NRIP1: variants seen among roughly 807,000 people sequenced by gnomAD.
NRIP1 encodes nuclear receptor-interacting protein 1.
A neutral mutation model predicts 75.0 loss-of-function variants in NRIP1; 28 were observed. The observed-to-expected ratio is 0.37, with a 90% CI of 0.28 to 0.51. The LOEUF (loss-of-function observed/expected upper bound fraction) is 0.51. NRIP1 is among the 20% of genes least tolerant of loss of function. NRIP1 has a pLI of 0.92. For missense variants in NRIP1, 1,435 were observed against 1,343.7 expected, an observed-to-expected ratio of 1.07 and a Z score of -1.06; for synonymous variants, 526 against 487.6, an observed-to-expected ratio of 1.08 and a Z score of -1.04.
intron 3 of NRIP1, among the ~76,000 whole-genome samples, chr21:15,013,219 A>G (rs966906100): frequency 2.0e-5 from 3 of 152,218 alleles, no homozygotes; most frequent in African/African-American, 7.2e-5. Context: ...ATTATTAGTA[A>G]TTTTATGCAG....
chr21:15,032,766 C>G (rs1195469474), intron 2 of NRIP1, among the ~76,000 whole-genome samples: 4 of 152,116 alleles, frequency 2.6e-5, no homozygotes, highest in African/African-American at 7.2e-5. Context: ...GGAAATGAAG[C>G]AGGAGATGCA....
intron 3 of NRIP1, among the ~76,000 whole-genome samples, chr21:14,998,595 C>T: frequency 6.6e-6 from 1 of 152,174 alleles, no homozygotes; most frequent in Non-Finnish European, 1.5e-5. Context: ...TGTGGGTCCA[C>T]TTATAAGCAA....
chr21:15,037,591 G>T (rs1462321680), intron 2 of NRIP1, among the ~76,000 whole-genome samples: 1 of 152,194 alleles, frequency 6.6e-6, no homozygotes. Context: ...GGGAGCACAT[G>T]TTCCCTTCTG....
chr21:15,013,400 T>C (rs954258679), intron 3 of NRIP1, among the ~76,000 whole-genome samples: 7 of 152,146 alleles, frequency 4.6e-5, no homozygotes, highest in African/African-American at 1.4e-4. Flanking sequence ...AAAGAGCAAA[T>C]TTGGCTCAAA....
chr21:15,032,320 C>G (rs138750183), intron 2 of NRIP1, among the ~76,000 whole-genome samples: 318 of 152,274 alleles, frequency 2.1e-3, no homozygotes, highest in East Asian at 9.4e-3. Flanking sequence ...CTAATAAACT[C>G]CTTGTACTAT....
chr21:14,989,023 C>T (rs746924683), intron 3 of NRIP1, among the ~76,000 whole-genome samples: 3 of 152,178 alleles, frequency 2.0e-5, no homozygotes, highest in Non-Finnish European at 2.9e-5. Context: ...GTACTCCGAT[C>T]ACCAGGTTCC....
chr21:15,030,684 C>T (rs1298810032), intron 2 of NRIP1, among the ~76,000 whole-genome samples: 1 of 152,190 alleles, frequency 6.6e-6, no homozygotes, highest in African/African-American at 2.4e-5. Context: ...AATAAGTGCT[C>T]ACTCAGAGGG....
chr21:15,023,873 T>C (rs902148206), intron 2 of NRIP1, among the ~76,000 whole-genome samples: 1 of 152,190 alleles, frequency 6.6e-6, no homozygotes. Flanking sequence ...GAGAAGTAGA[T>C]CATCACACAG....
At chr21:15,046,678 T>C (rs2089084304) in intron 1 of NRIP1, among the ~76,000 whole-genome samples, 1 of 152,370 alleles carries the variant, frequency 6.6e-6, no homozygotes, top group Middle Eastern at 3.4e-3. Flanking sequence ...AAGTCCTAGA[T>C]GGCATATTCA....
In NRIP1 at chr21:14,967,932, C is replaced by A. The variant is rs867844211; in HGVS notation, c.261G>T (p.Leu87Phe). The change falls in exon 4 of 4, where the codon TTG becomes TTT. Residue 87 changes from leucine to phenylalanine, a missense_variant. Physicochemically the swap from Leu to Phe is conservative, Grantham distance 22. Coordinates refer to ENST00000318948, the MANE Select transcript of NRIP1 (RefSeq NM_003489.4). ...CTGCATTCCAGTCCTCAGAAGACTG[C>A]AACAGTCTGGCTTTTTTGAGGTGCA... ...GMLHLKKARL[L>F]QSSEDWNAAK... The A allele has an allele frequency of 6.2e-7, 1 of 1,614,136 alleles. No homozygotes were observed. Among genetic ancestry groups the A allele is most frequent in the Non-Finnish European group, 8.5e-7 (1 of 1,180,022 alleles).
At position 15,032,018 on chromosome 21, in the gene NRIP1, G is replaced by A. The variant is rs142323171; in HGVS notation, c.-458+11477C>T. Among the ~76,000 whole-genome samples the A allele has an allele frequency of 7.3e-3, 1,116 of 152,284 alleles. 25 individuals carry two copies. The highest frequency in any genetic ancestry group is 0.049 in the Admixed American group (755 of 15,286). The stretch of plus-strand genomic sequence containing the variant: ...GAGGATCACCACATTCCCTTTCTAT[G>A]TGTATACACTCTGGAAGGCGCTTGG... On this transcript the variant is annotated intron_variant, in intron 2 of 3. Coordinates refer to ENST00000318948, the MANE Select transcript of NRIP1 (RefSeq NM_003489.4).
At chr21:15,028,650 T>C (rs2088577174) in intron 2 of NRIP1, among the ~76,000 whole-genome samples, 1 of 152,212 alleles carries the variant, frequency 6.6e-6, no homozygotes, top group Admixed American at 6.5e-5. Context: ...AATGTTTATT[T>C]GAATACTCTT....
chr21:14,996,505 A>T (rs1355296216), intron 3 of NRIP1, among the ~76,000 whole-genome samples: 3 of 151,864 alleles, frequency 2.0e-5, no homozygotes, highest in South Asian at 2.1e-4. Flanking sequence ...TTTCCCAATG[A>T]CTTTAGGCAA....
chr21:15,009,524 CATTT>C (rs1487328735), intron 3 of NRIP1, among the ~76,000 whole-genome samples: 1 of 152,148 alleles, frequency 6.6e-6, no homozygotes, highest in Non-Finnish European at 1.5e-5. Flanking sequence ...CAGGGAACAC[CATTT>C]TTAGTGAAGG....
At chr21:15,043,256 T>C (rs2088997819) in intron 2 of NRIP1, among the ~76,000 whole-genome samples, 1 of 152,338 alleles carries the variant, frequency 6.6e-6, no homozygotes, top group Admixed American at 6.5e-5. Context: ...TGTAAATACC[T>C]CAGTGTTTAA....
intron 3 of NRIP1, among the ~76,000 whole-genome samples, chr21:14,974,938 T>C (rs943629630): frequency 2.6e-5 from 4 of 151,730 alleles, no homozygotes; most frequent in Non-Finnish European, 5.9e-5. Context: ...CGAGACCCCA[T>C]CTTTACAAAA....
At position 14,966,407 on chromosome 21, in the gene NRIP1, A is replaced by G. The variant is rs1260114355; in HGVS notation, c.1786T>C (p.Ser596Pro). ...TTTGTAAGGTCCATTGAGTGGTTAG[A>G]TGCAGTATTTGTTAGCTTTTCAGAC... ...TQSEKLTNTA[S>P]NHSMDLTKSK... The change falls in exon 4 of 4, where the codon TCT becomes CCT. Residue 596 changes from serine to proline, a missense_variant. Coordinates refer to ENST00000318948, the MANE Select transcript of NRIP1 (RefSeq NM_003489.4). 1.9e-6 allele frequency: 3 copies of G among 1,614,056 alleles called. No individual in the cohort carries two copies. The highest frequency in any genetic ancestry group is 2.5e-6 in the Non-Finnish European group (3 of 1,179,968).
At chr21:14,978,297 C>T (rs1013293833) in intron 3 of NRIP1, among the ~76,000 whole-genome samples, 1 of 152,020 alleles carries the variant, frequency 6.6e-6, no homozygotes, top group Non-Finnish European at 1.5e-5. Flanking sequence ...AGCATTTTAA[C>T]GAGAAAGATG....
At chr21:15,051,275 T>TGTGTGTGTGCGC (rs11268035) in intron 1 of NRIP1, 24,982 of 179,326 alleles carry the variant, frequency 0.14, 2,477 homozygotes, top group Admixed American at 0.19. Context: ...CAGAACTCTG[T>TGTGTGTGTGCGC]GTGTGTGTGC....
Sources: allele counts gnomAD v4.1 joint callset (sites outside exome capture counted in the v4.1 genomes callset), GRCh38; gene constraint gnomAD v4.1.1; transcripts MANE v1.5; gene names NCBI Gene and HGNC (gene_info 2026-07-23, HGNC 2026-07-21).